The following THSD7B variants were observed in gnomAD, a reference collection of about 807,000 sequenced individuals.
The protein encoded by THSD7B is thrombospondin type 1 domain containing 7B.
Under a neutral mutation model 213.6 loss-of-function variants are expected in THSD7B, and 138 were observed. The ratio of observed to expected loss-of-function variants is 0.65; its 90% confidence interval spans 0.56 to 0.74. The LOEUF is 0.74. Among genes scored for constraint, THSD7B ranks in the 30% least tolerant of loss-of-function variants. The pLI, the probability that THSD7B is intolerant of heterozygous loss-of-function variation, is 0.00. For synonymous variants in THSD7B, 742 were observed against 687.0 expected (o/e 1.08, Z -1.25); for missense variants, 1,931 against 1,991.5 (o/e 0.97, Z 0.58).
intron 12 of THSD7B, among the ~76,000 whole-genome samples, chr2:137,327,222 G>C (rs979033241): frequency 6.6e-6 from 1 of 152,174 alleles, no homozygotes; most frequent in East Asian, 1.9e-4. Context: ...TGTCTGGTAA[G>C]CCTAGGCCAC....
intron 20 of THSD7B, among the ~76,000 whole-genome samples, chr2:137,638,646 G>A (rs1193289520): frequency 6.6e-6 from 1 of 152,240 alleles, no homozygotes; most frequent in Non-Finnish European, 1.5e-5. Context: ...ATGTGGGGAA[G>A]TGTTGAACCT....
In THSD7B at chr2:137,663,435, G is replaced by A; in HGVS notation, c.4511G>A (p.Gly1504Asp). 1 of 1,594,844 alleles carries A rather than the reference G, an allele frequency of 6.3e-7. No individual in the cohort carries two copies. Among genetic ancestry groups the A allele is most frequent in the Non-Finnish European group, 8.5e-7 (1 of 1,169,646 alleles). The change falls in exon 26 of 28, where the codon GGT becomes GAT. Residue 1504 changes from glycine (G) to aspartate (D), a missense_variant. Coordinates refer to ENST00000409968, the MANE Select transcript of THSD7B (RefSeq NM_001316349.2). ...TATACAGAGATAATGAAATCAAATG[G>A]TTTCCTGGATTACTGCATGAAAGTA... is the stretch of plus-strand genomic sequence containing the variant. ...KGYTEIMKSNGFLDYCMKVPG... is the reference protein window; with the variant it reads ...KGYTEIMKSNDFLDYCMKVPG...
intron 14 of THSD7B, among the ~76,000 whole-genome samples, chr2:137,412,992 C>T (rs1044464847): frequency 5.9e-5 from 9 of 151,284 alleles, no homozygotes; most frequent in Middle Eastern, 3.2e-3. Context: ...TACTAATAAA[C>T]GTTCTCAGTA....
intron 15 of THSD7B, among the ~76,000 whole-genome samples, chr2:137,532,420 T>C (rs1039343192): frequency 1.3e-5 from 2 of 151,882 alleles, no homozygotes; most frequent in Non-Finnish European, 2.9e-5. Flanking sequence ...AAAAGAATTA[T>C]TCTAGATTAT....
intron 1 of THSD7B, among the ~76,000 whole-genome samples, chr2:136,837,185 C>G (rs754542746): frequency 1.3e-5 from 2 of 152,112 alleles, no homozygotes; most frequent in Non-Finnish European, 1.5e-5. Context: ...TCTTGTCATC[C>G]CCTGTCTTCC....
Position 137,405,743 on chromosome 2 carries a change from G to A in THSD7B, c.2631G>A (p.Trp877Ter). ...GAGAAGACTGCACCTTCACTGCTTGGTCCAAGTTTACGCCCTGCTCCACGA... is the reference window on the plus strand; with the variant it reads ...GAGAAGACTGCACCTTCACTGCTTGATCCAAGTTTACGCCCTGCTCCACGA... ...PCREDCTFTA[W>*]SKFTPCSTNC... The change falls in exon 13 of 28, where the codon TGG becomes TGA. Residue 877 changes from tryptophan to a stop codon, truncating the protein, a stop_gained. Transcript: ENST00000409968. LOFTEE classifies it high-confidence loss of function. 1 of 1,613,642 alleles carries A rather than the reference G, an allele frequency of 6.2e-7. No homozygotes were observed. Among genetic ancestry groups the A allele is most frequent in the Non-Finnish European group, 8.5e-7 (1 of 1,179,802 alleles).
chr2:137,501,180 C>G (rs751750464), intron 15 of THSD7B, among the ~76,000 whole-genome samples: 4 of 152,150 alleles, frequency 2.6e-5, no homozygotes, highest in Non-Finnish European at 5.9e-5. Flanking sequence ...TTCACTGCAT[C>G]TGCCCCTTTT....
chr2:136,797,012 A>AC (rs1553449017), intron 1 of THSD7B, among the ~76,000 whole-genome samples: 5 of 148,928 alleles, frequency 3.4e-5, no homozygotes, highest in Non-Finnish European at 6.0e-5. Flanking sequence ...ACACACACAC[A>AC]ACCTAAAAAA....
At position 136,873,886 on chromosome 2, in the gene THSD7B, T is replaced by C. The variant is rs149023084; in HGVS notation, c.-35-8258T>C. ...GTGCACTGCCAGGGTTCACAAGGCA[T>C]GATGTAAACAGAATGGGTTGTGGCG... is the stretch of plus-strand genomic sequence containing the variant. On this transcript the variant is annotated intron_variant, in intron 1 of 27. Transcript: ENST00000409968. 7.4e-3 allele frequency among the ~76,000 whole-genome samples: 1,125 copies of C among 152,278 alleles called. 8 individuals are homozygous for C. Among genetic ancestry groups the C allele is most frequent in the Middle Eastern group, 0.024 (7 of 294 alleles).
At chr2:136,935,999 A>G (rs1684719933) in intron 2 of THSD7B, among the ~76,000 whole-genome samples, 1 of 148,442 alleles carries the variant, frequency 6.7e-6, no homozygotes. Flanking sequence ...AAATTTAGAA[A>G]TATATATTTC....
intron 1 of THSD7B, among the ~76,000 whole-genome samples, chr2:136,847,399 G>A (rs776924275): frequency 6.6e-6 from 1 of 152,152 alleles, no homozygotes; most frequent in Non-Finnish European, 1.5e-5. Context: ...ATTTGGATAG[G>A]ATTACAGGCT....
chr2:137,067,751 C>A lies in THSD7B; in HGVS notation c.950+10521C>A, dbSNP rs1573800411. 3.9e-5 allele frequency among the ~76,000 whole-genome samples: 6 copies of A among 152,108 alleles called. No individual in the cohort carries two copies. In the East Asian group the frequency reaches 1.2e-3, roughly 29 times the overall value. On this transcript the variant is annotated intron_variant, in intron 3 of 27. Transcript: ENST00000409968. ...TCTGGTAAAACCCTAGTTTGTTAGG[C>A]TTTCCTAAGATAGTTTCCTGTGAGG...
intron 4 of THSD7B, among the ~76,000 whole-genome samples, chr2:137,107,860 A>G (rs1184910181): frequency 2.6e-5 from 4 of 152,226 alleles, no homozygotes; most frequent in Non-Finnish European, 5.9e-5. Context: ...TCCGTAATCA[A>G]TAGTCCCACT....
At chr2:137,134,981 C>T (rs931768791) in intron 5 of THSD7B, among the ~76,000 whole-genome samples, 2 of 152,118 alleles carry the variant, frequency 1.3e-5, no homozygotes, top group Non-Finnish European at 2.9e-5. Flanking sequence ...TTGACTAAGG[C>T]ACTTATCTCC....
intron 15 of THSD7B, 92 bp downstream of exon 15, chr2:137,451,115 A>G: frequency 7.5e-7 from 1 of 1,332,294 alleles, no homozygotes; most frequent in Non-Finnish European, 9.9e-7. Context: ...TATTACAAGG[A>G]GCTCATTAAA....
At chr2:137,530,387 C>CAA (rs1426021611) in intron 15 of THSD7B, among the ~76,000 whole-genome samples, 3 of 151,950 alleles carry the variant, frequency 2.0e-5, no homozygotes, top group Non-Finnish European at 4.4e-5. Context: ...TTCTCAATGA[C>CAA]AGGGTACATA....
intron 2 of THSD7B, among the ~76,000 whole-genome samples, chr2:136,943,230 C>T (rs1416385270): frequency 6.6e-6 from 1 of 152,198 alleles, no homozygotes; most frequent in Non-Finnish European, 1.5e-5. Flanking sequence ...GGGATGAAGC[C>T]GACTTGATTG....
At chr2:137,114,070 C>T (rs1688401141) in intron 4 of THSD7B, among the ~76,000 whole-genome samples, 1 of 152,104 alleles carries the variant, frequency 6.6e-6, no homozygotes, top group Non-Finnish European at 1.5e-5. Context: ...TACTTGATTT[C>T]AATTTTACTC....
At chr2:137,050,257 A>G (rs10496765) in intron 2 of THSD7B, among the ~76,000 whole-genome samples, 5,525 of 152,224 alleles carry the variant, frequency 0.036, 333 homozygotes, top group African/African-American at 0.12. Flanking sequence ...TCAAACCAGA[A>G]ATATTGATAA....
Sources: allele counts gnomAD v4.1 joint callset (sites outside exome capture counted in the v4.1 genomes callset), GRCh38; gene constraint gnomAD v4.1.1; transcripts MANE v1.5; gene names NCBI Gene and HGNC (gene_info 2026-07-23, HGNC 2026-07-21).